The following MAP4K4 variants were observed in gnomAD, a reference collection of about 807,000 sequenced individuals.
MAP4K4 encodes mitogen-activated protein kinase kinase kinase kinase 4.
In MAP4K4, 38 loss-of-function variants were observed where a neutral mutation model predicts 189.6. The ratio of observed to expected loss-of-function variants is 0.20; its 90% confidence interval spans 0.15 to 0.26. The LOEUF (loss-of-function observed/expected upper bound fraction) is 0.26. MAP4K4 is among the 10% of genes least tolerant of loss of function. The pLI is 1.00. For synonymous variants in MAP4K4, 610 were observed against 624.3 expected, an observed-to-expected ratio of 0.98 and a Z score of 0.34; for missense variants, 1,054 against 1,726.9, an observed-to-expected ratio of 0.61 and a Z score of 6.91.
At chr2:101,761,804 G>C (rs2076570456) in intron 2 of MAP4K4, among the ~76,000 whole-genome samples, 1 of 152,082 alleles carries the variant, frequency 6.6e-6, no homozygotes, top group Non-Finnish European at 1.5e-5. Context: ...TGATCCACCT[G>C]CCTCGGTCTC....
At chr2:101,848,215 C>G (rs2097170413) in intron 12 of MAP4K4, among the ~76,000 whole-genome samples, 1 of 152,122 alleles carries the variant, frequency 6.6e-6, no homozygotes, top group Admixed American at 6.5e-5. Context: ...TACTTAATAC[C>G]AAGTACAGTG....
chr2:101,785,861 G>C (rs2090954219), intron 2 of MAP4K4, among the ~76,000 whole-genome samples: 1 of 150,858 alleles, frequency 6.6e-6, no homozygotes, highest in Admixed American at 6.6e-5. Flanking sequence ...GTCTTGCTCT[G>C]TCGCCCAGGC....
Position 101,804,179 on chromosome 2 carries a change from T to C in MAP4K4, c.180+13403T>C, listed in dbSNP as rs568801294. On this transcript the variant is annotated intron_variant, in intron 3 of 32. Transcript: ENST00000324219. ...GACTCTCTCCCTTGATTTTTAACTC[T>C]GTGCACTAACAGGGAACCCAGATTA... Among the ~76,000 whole-genome samples the C allele has an allele frequency of 2.4e-4, 37 of 152,342 alleles. 1 individual carries two copies. In the South Asian group the frequency reaches 7.5e-3, roughly 31 times the overall value.
chr2:101,769,095 A>ATGTT (rs886743756), intron 2 of MAP4K4, among the ~76,000 whole-genome samples: 8 of 152,006 alleles, frequency 5.3e-5, no homozygotes, highest in African/African-American at 1.7e-4. Flanking sequence ...TGTTTGTTAT[A>ATGTT]TGTTTGTTTG....
chr2:101,758,164 CT>C (rs1188090615), intron 2 of MAP4K4, among the ~76,000 whole-genome samples: 1 of 152,156 alleles, frequency 6.6e-6, no homozygotes, highest in Non-Finnish European at 1.5e-5. Context: ...AAAATGAAAC[CT>C]CGGGTAATGG....
At chr2:101,829,761 C>T (rs926555944) in intron 6 of MAP4K4, 167 bp downstream of exon 6, 2 of 556,788 alleles carry the variant, frequency 3.6e-6, no homozygotes, top group Non-Finnish European at 6.6e-6. Flanking sequence ...TGGCTCCAGC[C>T]TCCCCACTTC....
At chr2:101,842,492 C>T (rs546831070) in intron 10 of MAP4K4, 117 bp from the exon 11 acceptor site, 1 of 647,940 alleles carries the variant, frequency 1.5e-6, no homozygotes, top group Admixed American at 2.7e-5. Context: ...ATACAAGTTG[C>T]TGTTTTCACA....
At chr2:101,822,322 T>C (rs2096114730) in intron 3 of MAP4K4, among the ~76,000 whole-genome samples, 1 of 152,224 alleles carries the variant, frequency 6.6e-6, no homozygotes, top group South Asian at 2.1e-4. Context: ...GCTTCATTTA[T>C]AATTTTATGG....
At chr2:101,823,842 C>G (rs755161691) in intron 3 of MAP4K4, 86 bp from the exon 4 acceptor site, 12 of 1,166,454 alleles carry the variant, frequency 1.0e-5, no homozygotes, top group Non-Finnish European at 1.3e-5. Flanking sequence ...AACTTGTGTT[C>G]CTTTCATTAT....
At chr2:101,821,352 G>C (rs1350643737) in intron 3 of MAP4K4, among the ~76,000 whole-genome samples, 1 of 152,114 alleles carries the variant, frequency 6.6e-6, no homozygotes, top group East Asian at 1.9e-4. Context: ...AGGCAGTTTT[G>C]CTGTTGTCCA....
chr2:101,785,299 G>C (rs1016215085), intron 2 of MAP4K4, among the ~76,000 whole-genome samples: 2 of 152,184 alleles, frequency 1.3e-5, no homozygotes, highest in African/African-American at 4.8e-5. Flanking sequence ...AAGTGCTGTT[G>C]AGTCACGTGC....
intron 2 of MAP4K4, among the ~76,000 whole-genome samples, chr2:101,716,040 C>T (rs960668416): frequency 5.3e-5 from 8 of 152,248 alleles, no homozygotes; most frequent in Non-Finnish European, 1.0e-4. Context: ...CTGCCACCCC[C>T]TGCCTACCTT....
At chr2:101,886,711 T>C (rs901712804) in intron 29 of MAP4K4, among the ~76,000 whole-genome samples, 2 of 152,192 alleles carry the variant, frequency 1.3e-5, no homozygotes, top group Non-Finnish European at 2.9e-5. Context: ...ATTGCATAAC[T>C]GAGTATGTTG....
At chr2:101,863,981 C>G in exon 17 of MAP4K4, 1 of 1,367,696 alleles carries the variant, frequency 7.3e-7, no homozygotes, top group Non-Finnish European at 9.8e-7. Flanking sequence ...AGCTCTGACT[C>G]TAAGTCAGAG....
At chr2:101,859,715 G>T in exon 15 of MAP4K4, 1 of 1,612,592 alleles carries the variant, frequency 6.2e-7, no homozygotes, top group South Asian at 1.1e-5. Context: ...ACAAGAACAA[G>T]CATATCTCCT....
At chr2:101,731,825 A>G (rs1022600005) in intron 2 of MAP4K4, among the ~76,000 whole-genome samples, 2 of 151,906 alleles carry the variant, frequency 1.3e-5, no homozygotes, top group African/African-American at 4.8e-5. Context: ...AACCAGAATA[A>G]TGCACCCTGT....
At chr2:101,802,620 T>C (rs1454939618) in intron 3 of MAP4K4, among the ~76,000 whole-genome samples, 1 of 152,174 alleles carries the variant, frequency 6.6e-6, no homozygotes, top group Non-Finnish European at 1.5e-5. Context: ...TCTTCATGCC[T>C]TGACACAGCA....
chr2:101,865,174 A>G (rs1559247240), intron 18 of MAP4K4, 138 bp downstream of exon 18: 1 of 579,648 alleles, frequency 1.7e-6, no homozygotes, highest in Non-Finnish European at 3.0e-6. Flanking sequence ...AAAAGCTGCC[A>G]TAAAATCCAT....
chr2:101,857,014 T>G (rs2097490671), intron 13 of MAP4K4, among the ~76,000 whole-genome samples: 1 of 152,254 alleles, frequency 6.6e-6, no homozygotes, highest in Non-Finnish European at 1.5e-5. Context: ...GTTACCTAAT[T>G]GACGTTGTCA....
Sources: gnomAD v4.1 joint callset for allele counts (sites outside exome capture counted in the v4.1 genomes callset) on GRCh38, gnomAD v4.1.1 for gene constraint, MANE v1.5 for transcripts, NCBI Gene and HGNC (gene_info 2026-07-23, HGNC 2026-07-21) for gene names.